Variants in CYP19A1 observed in about 807,000 individuals in gnomAD.
The protein encoded by CYP19A1 is aromatase.
CYP19A1 carries 32 observed loss-of-function variants against 44.4 expected under a neutral mutation model. The observed-to-expected ratio is 0.72, with a 90% confidence interval of 0.54 to 0.97. The LOEUF is 0.97. Ranked by LOEUF, CYP19A1 falls within the 50% of genes least tolerant of loss-of-function variation. The pLI is 0.00. For synonymous variants in CYP19A1, 212 were observed against 215.6 expected, an observed-to-expected ratio of 0.98 and a Z score of 0.14; for missense variants, 598 against 637.8, an observed-to-expected ratio of 0.94 and a Z score of 0.67.
intron 4 of CYP19A1, among the ~76,000 whole-genome samples, chr15:51,226,925 A>C (rs57858247): frequency 0.075 from 11,448 of 152,124 alleles, 501 homozygotes; most frequent in Non-Finnish European, 0.1. Flanking sequence ...TAGATGACAG[A>C]TATGGTCCCT....
intron 1 of CYP19A1, among the ~76,000 whole-genome samples, chr15:51,284,441 A>G (rs12439794): frequency 0.16 from 24,399 of 152,110 alleles, 3,870 homozygotes; most frequent in African/African-American, 0.4. Context: ...CATGTCAAGG[A>G]CTGGATGGCC....
At chr15:51,223,593 T>TCTCTCTCTCCCACACACA (rs1356666512) in intron 4 of CYP19A1, among the ~76,000 whole-genome samples, 1 of 90,146 alleles carries the variant, frequency 1.1e-5, no homozygotes, top group Admixed American at 1.2e-4. Context: ...TCTCTCTCTC[T>TCTCTCTCTCCCACACACA]CACACACACA....
At chr15:51,307,555 C>T (rs1319853712) in intron 1 of CYP19A1, among the ~76,000 whole-genome samples, 1 of 152,000 alleles carries the variant, frequency 6.6e-6, no homozygotes, top group Non-Finnish European at 1.5e-5. Context: ...AAAGAGCTGC[C>T]CGGAGCAAGT....
chr15:51,331,560 A>G (rs1433732717), intron 1 of CYP19A1, among the ~76,000 whole-genome samples: 1 of 152,090 alleles, frequency 6.6e-6, no homozygotes, highest in Non-Finnish European at 1.5e-5. Context: ...TTGCAAGAGC[A>G]TATGTATTTG....
intron 1 of CYP19A1, among the ~76,000 whole-genome samples, chr15:51,243,620 G>A (rs2033911951): frequency 6.6e-6 from 1 of 152,102 alleles, no homozygotes; most frequent in African/African-American, 2.4e-5. Flanking sequence ...GCCAACGGTA[G>A]TGTGGAAAAA....
intron 1 of CYP19A1, among the ~76,000 whole-genome samples, chr15:51,313,801 C>G (rs1324733039): frequency 6.6e-6 from 1 of 151,900 alleles, no homozygotes; most frequent in Non-Finnish European, 1.5e-5. Flanking sequence ...TATCTCAAAA[C>G]AAACAAAAAA....
rs774385877 is a variant in CYP19A1, at chr15:51,236,841, G to A, written c.296+18C>T. On this transcript the variant is annotated intron_variant, in intron 3 of 9. Transcript: ENST00000396402. Reference sequence around the variant, plus strand: ...GCCTCGATTTAAAAAGTATGTCTTCGATTATGAACAGACTCACTTGCTGAT... The same window carrying A: ...GCCTCGATTTAAAAAGTATGTCTTCAATTATGAACAGACTCACTTGCTGAT... 4.3e-6 allele frequency: 7 copies of A among 1,613,768 alleles called. No homozygotes were observed. The South Asian group carries it at 5.5e-5, about 13-fold the overall frequency.
chr15:51,291,243 CAG>C (rs1242843486), intron 1 of CYP19A1, among the ~76,000 whole-genome samples: 17 of 152,140 alleles, frequency 1.1e-4, no homozygotes, highest in Admixed American at 2.0e-4. Context: ...ATCGGGTAGG[CAG>C]AGACACTGGT....
chr15:51,270,840 C>T (rs2035096980), intron 1 of CYP19A1, among the ~76,000 whole-genome samples: 1 of 152,254 alleles, frequency 6.6e-6, no homozygotes, highest in South Asian at 2.1e-4. Context: ...CTGCTGAGGC[C>T]CAAGTCTTTA....
rs1065779 is a variant in CYP19A1 at position 51,212,614 on chromosome 15, A to C, written c.1022-53T>G. 0.49 allele frequency: 576,442 copies of C among 1,183,222 alleles called. 144,940 individuals carry two copies. The highest frequency in any genetic ancestry group is 0.52 in the Non-Finnish European group (413,852 of 789,344). The allele number at this position is 1,183,222 out of a possible 1,614,324, so 73.3% of individuals were successfully genotyped here. A position where few individuals can be genotyped will look rare whatever the true frequency, so the allele number is the denominator to read the frequency against. On this transcript the variant is annotated intron_variant, in intron 8 of 9. Transcript: ENST00000396402. Reference sequence around the variant, plus strand: ...AAGGTAATGTTAGTTTCCATCTGTGATTGGTATTAAAGCTTCTATTTTTTT... The same window carrying C: ...AAGGTAATGTTAGTTTCCATCTGTGCTTGGTATTAAAGCTTCTATTTTTTT...
chr15:51,266,750 C>A (rs1242420721), intron 1 of CYP19A1, among the ~76,000 whole-genome samples: 1 of 152,196 alleles, frequency 6.6e-6, no homozygotes, highest in African/African-American at 2.4e-5. Flanking sequence ...CACGGAGGTC[C>A]CCTAATCTGT....
intron 1 of CYP19A1, among the ~76,000 whole-genome samples, chr15:51,303,858 A>G (rs565406789): frequency 6.6e-6 from 1 of 152,362 alleles, no homozygotes; most frequent in South Asian, 2.1e-4. Flanking sequence ...AATGTCTTCT[A>G]GGAGCCTGAA....
chr15:51,287,542 C>T (rs551221348), intron 1 of CYP19A1, among the ~76,000 whole-genome samples: 6 of 152,314 alleles, frequency 3.9e-5, no homozygotes, highest in Non-Finnish European at 7.3e-5. Flanking sequence ...ACATTGGTAT[C>T]GCTGCTGTGC....
At chr15:51,291,478 G>A (rs2035844768) in intron 1 of CYP19A1, among the ~76,000 whole-genome samples, 1 of 152,152 alleles carries the variant, frequency 6.6e-6, no homozygotes, top group Non-Finnish European at 1.5e-5. Flanking sequence ...AATGAGCATT[G>A]GTAGCATTCA....
intron 2 of CYP19A1, 143 bp from the exon 3 acceptor site, chr15:51,237,152 G>GAAACA (rs3834541): frequency 3.2e-5 from 25 of 769,974 alleles, no homozygotes; most frequent in African/African-American, 1.4e-4. Context: ...AAAGTGATTT[G>GAAACA]AAACAAAACA....
chr15:51,245,007 C>G (rs1461631115), intron 1 of CYP19A1, among the ~76,000 whole-genome samples: 1 of 152,174 alleles, frequency 6.6e-6, no homozygotes, highest in South Asian at 2.1e-4. Context: ...TTACTGTGTC[C>G]TAAAATATTT....
chr15:51,225,113 T>A (rs1021248661), intron 4 of CYP19A1, among the ~76,000 whole-genome samples: 5 of 152,206 alleles, frequency 3.3e-5, no homozygotes, highest in Non-Finnish European at 4.4e-5. Flanking sequence ...TAGGGTAGTA[T>A]TTGGTGATGT....
intron 1 of CYP19A1, among the ~76,000 whole-genome samples, chr15:51,261,299 G>T (rs990346326): frequency 1.3e-5 from 2 of 152,118 alleles, no homozygotes; most frequent in African/African-American, 4.8e-5. Flanking sequence ...ACCATCTTGG[G>T]AGTGGCCCAC....
Position 51,212,389 on chromosome 15 carries a change from A to G in CYP19A1, c.1194T>C (p.Ile398=), listed in dbSNP as rs1763767219. The G allele has an allele frequency of 1.3e-6, 2 of 1,587,960 alleles. No individual in the cohort carries two copies. Among genetic ancestry groups the G allele is most frequent in the Non-Finnish European group, 1.7e-6 (2 of 1,156,004 alleles). Residue 398 remains isoleucine, a synonymous_variant, in exon 9 of 10, where the codon ATT becomes ATC. Coordinates refer to ENST00000396402, the MANE Select transcript of CYP19A1 (RefSeq NM_000103.4). ...VKKGTNIILN[I]GRMHRLEFFP... is the part of the protein sequence containing the mutation. Reference sequence around the variant, plus strand: ...AAAACTCGAGTCTGTGCATCCTTCCAATATTCAGGATAATGTTTGTCCCCT... The same window carrying G: ...AAAACTCGAGTCTGTGCATCCTTCCGATATTCAGGATAATGTTTGTCCCCT...
Sources: allele counts gnomAD v4.1 joint callset (sites outside exome capture counted in the v4.1 genomes callset), GRCh38; gene constraint gnomAD v4.1.1; transcripts MANE v1.5; gene names NCBI Gene and HGNC (gene_info 2026-07-23, HGNC 2026-07-21).